SP110: variants seen among roughly 807,000 people sequenced by gnomAD.
The protein encoded by SP110 is SP110 nuclear body protein.
A neutral mutation model predicts 92.7 loss-of-function variants in SP110; 62 were observed. The ratio of observed to expected loss-of-function variants is 0.67; its 90% CI spans 0.55 to 0.83. The LOEUF (loss-of-function observed/expected upper bound fraction) is 0.83. SP110 is among the 40% of genes least tolerant of loss of function. SP110 has a pLI of 0.00. For missense variants in SP110, 793 were observed against 863.9 expected (o/e 0.92, Z 1.03); for synonymous variants, 273 against 305.3 (o/e 0.89, Z 1.10).
In SP110 at chr2:230,166,086, G is replaced by A. The variant is rs758482173; in HGVS notation, c.*3038C>T. 5.3e-5 allele frequency among the ~76,000 whole-genome samples: 8 copies of A among 152,012 alleles called. No individual in the cohort carries two copies. The highest frequency in any genetic ancestry group is 1.0e-4 in the Non-Finnish European group (7 of 68,000). ...TTTTTGTATTTTTAGTAGAGACGGG[G>A]TTTCACCACGTTGGTCAGGCTGGTC... On this transcript the variant is annotated 3_prime_UTR_variant, in exon 19 of 19. Transcript: ENST00000258381.
At chr2:230,196,538 T>C in intron 10 of SP110, among the ~76,000 whole-genome samples, 2 of 152,132 alleles carry the variant, frequency 1.3e-5, no homozygotes, top group Middle Eastern at 6.8e-3. Flanking sequence ...TAATTTTCTT[T>C]TTTTTAAAAT....
At chr2:230,192,825 G>T (rs1377498992) in intron 10 of SP110, among the ~76,000 whole-genome samples, 1 of 152,156 alleles carries the variant, frequency 6.6e-6, no homozygotes, top group African/African-American at 2.4e-5. Context: ...TCCATGTGCT[G>T]ATGAGAAGAA....
intron 9 of SP110, among the ~76,000 whole-genome samples, chr2:230,201,222 T>A (rs1309864755): frequency 6.6e-6 from 1 of 152,240 alleles, no homozygotes; most frequent in Non-Finnish European, 1.5e-5. Context: ...GGTGCAGCCA[T>A]CTGAACCCCT....
In SP110 at chr2:230,166,592, A is replaced by C. The variant is rs1392636589; in HGVS notation, c.*2532T>G. Among the ~76,000 whole-genome samples the C allele has an allele frequency of 1.1e-5, 1 of 94,418 alleles. No individual in the cohort carries two copies. Among genetic ancestry groups the C allele is most frequent in the Non-Finnish European group, 3.0e-5 (1 of 33,654 alleles). The allele number at this position is 94,418 out of a possible 152,430, so 61.9% of individuals were successfully genotyped here. A position where few individuals can be genotyped will look rare whatever the true frequency, so the allele number is the denominator to read the frequency against. ...TGCAATGGTATATTAAATCTATAAC[A>C]AACAAAAATAAACTCCACAGAAATT... On this transcript the variant is annotated 3_prime_UTR_variant, in exon 19 of 19. Coordinates refer to ENST00000258381, the MANE Select transcript of SP110 (RefSeq NM_080424.4).
chr2:230,213,909 C>G (rs1468282298), intron 3 of SP110: 2 of 152,342 alleles, frequency 1.3e-5, no homozygotes, highest in African/African-American at 4.8e-5. Context: ...TGGAGGTGGA[C>G]TTGCCCCTTT....
At chr2:230,220,919 G>A (rs10183659), upstream of SP110, among the ~76,000 whole-genome samples, 1,967 of 152,264 alleles carry the variant, frequency 0.013, 41 homozygotes, top group African/African-American at 0.044. Context: ...GGCTGAGGCT[G>A]GAGACTTGCT....
At chr2:230,201,216 C>T (rs2043154664) in intron 9 of SP110, among the ~76,000 whole-genome samples, 2 of 152,222 alleles carry the variant, frequency 1.3e-5, no homozygotes, top group Non-Finnish European at 2.9e-5. Context: ...CAGTGGGGTG[C>T]AGCCATCTGA....
chr2:230,190,075 G>T (rs998295261), intron 10 of SP110, among the ~76,000 whole-genome samples: 15 of 152,122 alleles, frequency 9.9e-5, no homozygotes, highest in African/African-American at 3.1e-4. Flanking sequence ...ACCCAGTAAT[G>T]GGATTGCTGT....
chr2:230,186,665 T>C (rs75687135), intron 10 of SP110, among the ~76,000 whole-genome samples: 4,320 of 152,172 alleles, frequency 0.028, 213 homozygotes, highest in African/African-American at 0.099. Context: ...TCCGTCCCTC[T>C]CCTTTCTGAG....
At chr2:230,170,592 G>A (rs201753722) in intron 18 of SP110, 29 bp downstream of exon 18, 34 of 1,613,496 alleles carry the variant, frequency 2.1e-5, no homozygotes, top group East Asian at 8.9e-5. Flanking sequence ...TAGAAAAGAC[G>A]CAAAAAGGAA....
chr2:230,192,890 T>A (rs1281923557), intron 10 of SP110, among the ~76,000 whole-genome samples: 1 of 152,192 alleles, frequency 6.6e-6, no homozygotes, highest in East Asian at 1.9e-4. Flanking sequence ...GTAGTTTACA[T>A]CTATTGTTTC....
chr2:230,212,063 G>A (rs1244059149), intron 5 of SP110, among the ~76,000 whole-genome samples: 2 of 152,190 alleles, frequency 1.3e-5, no homozygotes, highest in African/African-American at 4.8e-5. Flanking sequence ...TAAAAATGAA[G>A]AATGTTGAAA....
At position 230,165,543 on chromosome 2, in the gene SP110, A is replaced by T. The variant is rs1282789041; in HGVS notation, c.*3581T>A. Among the ~76,000 whole-genome samples the T allele has an allele frequency of 6.6e-6, 1 of 152,234 alleles. No individual in the cohort carries two copies. The highest frequency in any genetic ancestry group is 1.5e-5 in the Non-Finnish European group (1 of 68,034). Reference sequence around the variant, plus strand: ...TAATGTGAAACTAACAAATAATGACATAATATAATTGAATAGAATAAACAT... The same window carrying T: ...TAATGTGAAACTAACAAATAATGACTTAATATAATTGAATAGAATAAACAT... On this transcript the variant is annotated 3_prime_UTR_variant, in exon 19 of 19. Coordinates refer to ENST00000258381, the MANE Select transcript of SP110 (RefSeq NM_080424.4).
At chr2:230,178,806 C>T (rs2041984158) in intron 12 of SP110, among the ~76,000 whole-genome samples, 2 of 152,178 alleles carry the variant, frequency 1.3e-5, no homozygotes, top group African/African-American at 4.8e-5. Flanking sequence ...ACTAATTTCC[C>T]AGTTGCTCAT....
chr2:230,201,111 T>G lies in SP110; in HGVS notation c.1049-146A>C, dbSNP rs910525236. The G allele has an allele frequency of 2.3e-5, 17 of 728,228 alleles. No homozygotes were observed. The African/African-American group carries it at 3.0e-4, about 13-fold the overall frequency. The allele number at this position is 728,228 out of a possible 1,614,324, so 45.1% of individuals were successfully genotyped here. A position where few individuals can be genotyped will look rare whatever the true frequency, so the allele number is the denominator to read the frequency against. ...CCTAACAATGCATCTACCAAGAGATTTGGTGCTGCTCATGACACTGTGCCT... is the reference window on the plus strand; with the variant it reads ...CCTAACAATGCATCTACCAAGAGATGTGGTGCTGCTCATGACACTGTGCCT... On this transcript the variant is annotated intron_variant, in intron 9 of 18. Coordinates refer to ENST00000258381, the MANE Select transcript of SP110 (RefSeq NM_080424.4).
chr2:230,223,926 G>A (rs774141842), upstream of SP110, among the ~76,000 whole-genome samples: 8 of 152,314 alleles, frequency 5.3e-5, no homozygotes, highest in African/African-American at 1.2e-4. Flanking sequence ...GAGGCAGGCC[G>A]GAGCCTTCTG....
intron 11 of SP110, among the ~76,000 whole-genome samples, chr2:230,185,448 C>A (rs1382234851): frequency 6.6e-6 from 1 of 152,104 alleles, no homozygotes; most frequent in East Asian, 1.9e-4. Flanking sequence ...CACCTTTGGC[C>A]GTCATCATAG....
chr2:230,178,977 T>C (rs975092156), intron 12 of SP110, among the ~76,000 whole-genome samples: 2 of 152,116 alleles, frequency 1.3e-5, no homozygotes, highest in Non-Finnish European at 2.9e-5. Flanking sequence ...CAGGGGCTGT[T>C]TCTCTGGGGA....
chr2:230,217,789 G>A (rs999605873), intron 1 of SP110, among the ~76,000 whole-genome samples: 9 of 152,180 alleles, frequency 5.9e-5, no homozygotes, highest in Non-Finnish European at 7.4e-5. Context: ...CCTGGGCTAC[G>A]GCTGAAGCCA....
Sources: allele counts gnomAD v4.1 joint callset (sites outside exome capture counted in the v4.1 genomes callset), GRCh38; gene constraint gnomAD v4.1.1; transcripts MANE v1.5; gene names NCBI Gene and HGNC (gene_info 2026-07-23, HGNC 2026-07-21).